The following TRPM2 variants were observed in gnomAD, a reference collection of about 807,000 sequenced individuals.
TRPM2 encodes estrogen-responsive element-associated gene 1 protein.
A neutral mutation model predicts 174.0 loss-of-function variants in TRPM2; 161 were observed. The ratio of observed to expected loss-of-function variants is 0.93; its 90% CI spans 0.81 to 1.05. TRPM2 has a LOEUF of 1.05. Among genes scored for constraint, TRPM2 ranks in the 50% least tolerant of loss-of-function variants. The pLI is 0.00. For missense variants in TRPM2, 2,057 were observed against 2,038.0 expected (o/e 1.01, Z -0.18); for synonymous variants, 954 against 861.3 (o/e 1.11, Z -1.88).
intron 17 of TRPM2, 133 bp downstream of exon 17, chr21:44,405,393 C>T (rs2049833735): frequency 1.5e-6 from 2 of 1,366,512 alleles, no homozygotes; most frequent in South Asian, 2.6e-5. Context: ...TGTCATCTGT[C>T]CAATGGGTGT....
chr21:44,417,790 GCT>G (rs1044039063), intron 20 of TRPM2, 135 bp from the exon 21 acceptor site: 3 of 877,186 alleles, frequency 3.4e-6, no homozygotes, highest in African/African-American at 1.7e-5. Flanking sequence ...GTGTGGCTCT[GCT>G]CTCTGTGGCA....
At chr21:44,420,081 C>A (rs1335023890) in intron 22 of TRPM2, among the ~76,000 whole-genome samples, 2 of 152,100 alleles carry the variant, frequency 1.3e-5, no homozygotes, top group African/African-American at 4.8e-5. Flanking sequence ...TTCTAGCTCC[C>A]ATTCTGAGTG....
chr21:44,428,680 TCCCTGAGGTGTGGCTCCTC>T (rs1305813955), intron 27 of TRPM2, among the ~76,000 whole-genome samples: 1 of 23,850 alleles, frequency 4.2e-5, no homozygotes, highest in African/African-American at 8.5e-5. Flanking sequence ...GTCTGGCTCC[TCCCTGAGGTGTGGCTCCTC>T]CCCTGAGATG....
intron 6 of TRPM2, among the ~76,000 whole-genome samples, chr21:44,377,357 TCTCC>T (rs1264506243): frequency 6.6e-6 from 1 of 151,976 alleles, no homozygotes; most frequent in Admixed American, 6.6e-5. Context: ...CCATAGCCCC[TCTCC>T]CTCCCTCCCA....
At chr21:44,430,964 C>CTT (rs71197900) in intron 27 of TRPM2, among the ~76,000 whole-genome samples, 247 of 145,372 alleles carry the variant, frequency 1.7e-3, no homozygotes, top group East Asian at 0.014. Context: ...TATTTCTCTT[C>CTT]TTTTTTTTTT....
At position 44,399,214 on chromosome 21, in the gene TRPM2, C is replaced by A; in HGVS notation, c.2063-82C>A. The A allele has an allele frequency of 2.0e-6, 3 of 1,521,568 alleles. No individual in the cohort carries two copies. The highest frequency in any genetic ancestry group is 2.5e-5 in the South Asian group (2 of 79,090). The allele number at this position is 1,521,568 out of a possible 1,614,324, so 94.3% of individuals were successfully genotyped here. The stretch of plus-strand genomic sequence containing the variant: ...TCCCTGTGTCCTGGTGGTGCTGTCC[C>A]GAGTGGTTGCCCTCTGACCCGTCCC... On this transcript the variant is annotated intron_variant, in intron 13 of 31. Transcript: ENST00000397928. This position sits in a 1 kb window ranked among gnomAD's most constrained non-coding sequence, Gnocchi z 4.6.
At chr21:44,423,442 C>A in intron 22 of TRPM2, 1 of 564,190 alleles carries the variant, frequency 1.8e-6, no homozygotes. Context: ...TGTCCGTCTG[C>A]TGAGACATCT....
rs45526133 is a variant in TRPM2 at position 44,393,808 on chromosome 21, A to G, written c.1795-1606A>G. 2.7e-3 allele frequency among the ~76,000 whole-genome samples: 412 copies of G among 151,326 alleles called. 3 individuals are homozygous for G. Among genetic ancestry groups the G allele is most frequent in the African/African-American group, 9.5e-3 (391 of 41,136 alleles). The stretch of plus-strand genomic sequence containing the variant: ...TTGTCTGTTTCCTCCAGGTTTTCCA[A>G]TCGATCCATTGTTCCAGGTGAGCTC... On this transcript the variant is annotated intron_variant, in intron 11 of 31. Coordinates refer to ENST00000397928, the MANE Select transcript of TRPM2 (RefSeq NM_003307.4).
intron 2 of TRPM2, among the ~76,000 whole-genome samples, chr21:44,359,220 G>A (rs2048144108): frequency 6.6e-6 from 1 of 152,002 alleles, no homozygotes; most frequent in South Asian, 2.1e-4. Context: ...ATTTTACAGA[G>A]CACCAATTGG....
chr21:44,379,457 G>A (rs2048811161), intron 8 of TRPM2, among the ~76,000 whole-genome samples: 1 of 152,232 alleles, frequency 6.6e-6, no homozygotes, highest in South Asian at 2.1e-4. Flanking sequence ...AACGCTGCGG[G>A]GCTCAGTGGT....
intron 27 of TRPM2, among the ~76,000 whole-genome samples, chr21:44,431,189 A>T (rs2051008877): frequency 6.6e-6 from 1 of 151,982 alleles, no homozygotes; most frequent in Non-Finnish European, 1.5e-5. Flanking sequence ...TAAGACTGTA[A>T]ATTCTCTCTA....
In TRPM2 at chr21:44,440,956, T is replaced by G. The variant is rs756100342; in HGVS notation, c.4386+51T>G. The G allele has an allele frequency of 2.0e-5, 30 of 1,531,248 alleles. No individual in the cohort carries two copies. The Admixed American group carries it at 5.0e-4, about 26-fold the overall frequency. 94.9% of individuals were successfully genotyped at this position (1,531,248 alleles called of 1,614,324 possible). ...GGGAGTGGGGAGGCAGGGACGGGTATGGGCGTGGCCTCCGGGGAGGGGGTT... is the reference window on the plus strand; with the variant it reads ...GGGAGTGGGGAGGCAGGGACGGGTAGGGGCGTGGCCTCCGGGGAGGGGGTT... On this transcript the variant is annotated intron_variant, in intron 31 of 31. Coordinates refer to ENST00000397928, the MANE Select transcript of TRPM2 (RefSeq NM_003307.4).
rs779683668 is a variant in TRPM2 at position 44,397,770 on chromosome 21, C to G, written c.1956C>G (p.Ala652=). The part of the protein sequence containing the change: ...WAQSQDCIAA[A]LACSKILKEL... Reference sequence around the variant, plus strand: ...AGAGCCAGGACTGCATCGCAGCGGCCTTGGCCTGCAGCAAGATCCTGAAGG... The same window carrying G: ...AGAGCCAGGACTGCATCGCAGCGGCGTTGGCCTGCAGCAAGATCCTGAAGG... The change falls in exon 13 of 32, where the codon GCC becomes GCG. Residue 652 remains alanine, a synonymous_variant. Transcript: ENST00000397928. The G allele has an allele frequency of 6.3e-7, 1 of 1,599,264 alleles. No individual in the cohort carries two copies. Among genetic ancestry groups the G allele is most frequent in the South Asian group, 1.1e-5 (1 of 88,182 alleles).
chr21:44,440,766 C>T lies in TRPM2; in HGVS notation c.4270-23C>T, dbSNP rs2051470312. ...CGCTCAGGTGTCCCTCGCTGTCGGG[C>T]TTACCCTGCCCTGCCCATCCAGGTG... On this transcript the variant is annotated intron_variant, in intron 30 of 31. Transcript: ENST00000397928. 1.9e-6 allele frequency: 3 copies of T among 1,608,010 alleles called. No homozygotes were observed. The East Asian group carries it at 6.7e-5, about 36-fold the overall frequency.
rs538708138 is a variant in TRPM2 at position 44,432,355 on chromosome 21, C to CT, written c.3975-2776_3975-2775insT. Among the ~76,000 whole-genome samples the CT allele has an allele frequency of 1.8e-4, 28 of 152,312 alleles. No homozygotes were observed. In the South Asian group the frequency reaches 5.8e-3, roughly 32 times the overall value. On this transcript the variant is annotated intron_variant, in intron 27 of 31. Coordinates refer to ENST00000397928, the MANE Select transcript of TRPM2 (RefSeq NM_003307.4). The surrounding 1 kb of genome is among the most constrained non-coding windows in gnomAD (Gnocchi z 4.9). ...CCTAGCCACATGGCCTCTCCCTGCA[C>CT]GTGTCTGTGTCTCTTCTGTTCTTAG...
chr21:44,410,954 G>A (rs569136435), intron 19 of TRPM2, among the ~76,000 whole-genome samples: 72 of 149,230 alleles, frequency 4.8e-4, no homozygotes, highest in Admixed American at 8.7e-4. Context: ...CTTGGTGAGC[G>A]TAGCCTTATA....
At chr21:44,398,204 C>CTTTTTTTTTTTTTTTT (rs1405409632) in intron 13 of TRPM2, among the ~76,000 whole-genome samples, 4 of 81,034 alleles carry the variant, frequency 4.9e-5, no homozygotes, top group African/African-American at 2.2e-4. Context: ...AATTTGGAGA[C>CTTTTTTTTTTTTTTTT]TGTTTTTTTT....
At chr21:44,435,656 CACCCA>C in intron 28 of TRPM2, among the ~76,000 whole-genome samples, 2 of 146,862 alleles carry the variant, frequency 1.4e-5, no homozygotes, top group Admixed American at 6.7e-5. Context: ...CCACTCTCCA[CACCCA>C]TCCACGGGGA....
intron 9 of TRPM2, among the ~76,000 whole-genome samples, chr21:44,390,488 C>T (rs935450264): frequency 1.3e-5 from 2 of 152,156 alleles, no homozygotes; most frequent in Non-Finnish European, 2.9e-5. Flanking sequence ...TGAACATTTA[C>T]AGGCAGTTGA....
Sources: allele counts gnomAD v4.1 joint callset (sites outside exome capture counted in the v4.1 genomes callset), GRCh38; gene constraint gnomAD v4.1.1; non-coding constraint Gnocchi (gnomAD v3.1); transcripts MANE v1.5; gene names NCBI Gene and HGNC (gene_info 2026-07-23, HGNC 2026-07-21).